Variants in SAMD3 observed in about 807,000 individuals in gnomAD.
SAMD3 encodes the protein sterile alpha motif domain-containing protein 3.
Under a neutral mutation model 58.5 loss-of-function variants are expected in SAMD3, and 63 were observed. That is an observed-to-expected ratio of 1.08 (90% CI 0.88 to 1.33). SAMD3 has a LOEUF of 1.33. Among genes scored for constraint, SAMD3 ranks in the 40% most tolerant of loss-of-function variants. SAMD3 has a pLI of 0.00. For missense variants in SAMD3, 604 were observed against 608.4 expected (o/e 0.99, Z 0.08); for synonymous variants, 220 against 210.3 (o/e 1.05, Z -0.40).
At chr6:130,195,211 G>A (rs1017891487) in intron 5 of SAMD3, among the ~76,000 whole-genome samples, 1 of 151,838 alleles carries the variant, frequency 6.6e-6, no homozygotes, top group African/African-American at 2.4e-5. Flanking sequence ...TCCTCCTCTT[G>A]TATCCCCCTA....
chr6:130,264,978 C>G (rs1774287228), intron 2 of SAMD3, among the ~76,000 whole-genome samples: 1 of 152,196 alleles, frequency 6.6e-6, no homozygotes, highest in South Asian at 2.1e-4. Context: ...TCTAAGGGCC[C>G]TGGCAGCAAT....
chr6:130,201,714 T>G (rs1390870284), intron 5 of SAMD3, among the ~76,000 whole-genome samples: 2 of 152,220 alleles, frequency 1.3e-5, no homozygotes, highest in East Asian at 3.8e-4. Context: ...GAATCCTCCA[T>G]GCTATTTCAG....
chr6:130,351,736 A>T (rs1054786687), intron 1 of SAMD3, among the ~76,000 whole-genome samples: 6 of 152,154 alleles, frequency 3.9e-5, no homozygotes, highest in South Asian at 2.1e-4. Flanking sequence ...GGATTATAAA[A>T]CATGCTGCTC....
Position 130,155,003 on chromosome 6 carries a change from G to A in SAMD3, c.845C>T (p.Ser282Phe). The A allele has an allele frequency of 6.2e-7, 1 of 1,612,826 alleles. No individual in the cohort carries two copies. The highest frequency in any genetic ancestry group is 2.2e-5 in the East Asian group (1 of 44,746). Residue 282 changes from serine (S) to phenylalanine (F), a missense_variant, in exon 9 of 12, where the codon TCT becomes TTT. Coordinates refer to ENST00000439090, the MANE Select transcript of SAMD3 (RefSeq NM_001017373.4). ...QIKEEAVCFD[S>F]ELDEHIKWFQ... ...CCACTTAATATGTTCATCTAGCTCA[G>A]AATCAAAACAAACAGCTTCTTCCTG...
chr6:130,309,357 TA>T (rs1776061679), intron 2 of SAMD3, among the ~76,000 whole-genome samples: 1 of 152,222 alleles, frequency 6.6e-6, no homozygotes. Context: ...ATGGGTATAA[TA>T]ATATCCCCCA....
At chr6:130,338,476 A>T (rs909009944) in intron 1 of SAMD3, among the ~76,000 whole-genome samples, 12 of 152,196 alleles carry the variant, frequency 7.9e-5, no homozygotes, top group African/African-American at 2.9e-4. Flanking sequence ...ACCATCCTCC[A>T]GACCCCAGAG....
At chr6:130,210,117 G>A (rs1271091178) in intron 4 of SAMD3, among the ~76,000 whole-genome samples, 1 of 152,182 alleles carries the variant, frequency 6.6e-6, no homozygotes, top group East Asian at 1.9e-4. Flanking sequence ...GAGCTACTCA[G>A]TAGCAGTGCC....
intron 8 of SAMD3, among the ~76,000 whole-genome samples, chr6:130,158,296 A>C (rs1421216306): frequency 1.3e-5 from 2 of 152,220 alleles, no homozygotes; most frequent in African/African-American, 4.8e-5. Flanking sequence ...GTGATGGGAA[A>C]GTATCAAGAC....
At chr6:130,364,086 C>T (rs370507505) in intron 1 of SAMD3, among the ~76,000 whole-genome samples, 2 of 152,098 alleles carry the variant, frequency 1.3e-5, no homozygotes, top group African/African-American at 4.8e-5. Context: ...GCCATTTTAC[C>T]CGCCTCTTCT....
intron 7 of SAMD3, among the ~76,000 whole-genome samples, chr6:130,180,467 C>A (rs1434330952): frequency 3.3e-5 from 5 of 151,852 alleles, no homozygotes; most frequent in Admixed American, 2.6e-4. Flanking sequence ...TTAGGGATGA[C>A]ATCTGCAACT....
chr6:130,151,363 A>G (rs1249991414), intron 9 of SAMD3, among the ~76,000 whole-genome samples: 1 of 152,058 alleles, frequency 6.6e-6, no homozygotes, highest in African/African-American at 2.4e-5. Context: ...TATCCATGTT[A>G]ACAGTGGGAA....
chr6:130,171,906 T>C (rs1425356695), intron 8 of SAMD3, among the ~76,000 whole-genome samples: 1 of 152,224 alleles, frequency 6.6e-6, no homozygotes, highest in East Asian at 1.9e-4. Flanking sequence ...ACTAGGTGCA[T>C]ATATATTTAG....
intron 2 of SAMD3, among the ~76,000 whole-genome samples, chr6:130,282,638 G>C (rs1460774497): frequency 6.6e-6 from 1 of 152,024 alleles, no homozygotes; most frequent in Admixed American, 6.6e-5. Flanking sequence ...CTCAGAGAAA[G>C]AGTGTTCTAA....
In SAMD3 at chr6:130,338,338, C is replaced by G. The variant is rs543781884; in HGVS notation, c.-303-25245G>C. Reference sequence around the variant, plus strand: ...AATGTCTGGATGTACAGGCAGAAGTCTGCTGCAAGGGGCAGAGCCTTCACA... The same window carrying G: ...AATGTCTGGATGTACAGGCAGAAGTGTGCTGCAAGGGGCAGAGCCTTCACA... On this transcript the variant is annotated intron_variant, in intron 1 of 13. Coordinates refer to the SAMD3 transcript ENST00000368134. Among the ~76,000 whole-genome samples, 17 of 152,364 alleles carry G rather than the reference C, an allele frequency of 1.1e-4. No individual in the cohort carries two copies. In the South Asian group the frequency reaches 2.5e-3, roughly 22 times the overall value.
chr6:130,354,490 G>A (rs1051124729), intron 1 of SAMD3, among the ~76,000 whole-genome samples: 1 of 152,204 alleles, frequency 6.6e-6, no homozygotes, highest in African/African-American at 2.4e-5. Flanking sequence ...ATACTATGCA[G>A]CCATAAAAAA....
At chr6:130,317,071 A>G (rs1381658996) in intron 1 of SAMD3, among the ~76,000 whole-genome samples, 1 of 152,168 alleles carries the variant, frequency 6.6e-6, no homozygotes, top group Admixed American at 6.5e-5. Context: ...GACCAGTGAG[A>G]AATCCTGAGT....
At chr6:130,306,870 TCATC>T (rs1176701330) in intron 2 of SAMD3, among the ~76,000 whole-genome samples, 1 of 152,200 alleles carries the variant, frequency 6.6e-6, no homozygotes, top group African/African-American at 2.4e-5. Context: ...ATAAACCATC[TCATC>T]CTGGTGTTTT....
intron 8 of SAMD3, chr6:130,160,701 T>C (rs532657153): frequency 2.6e-5 from 4 of 152,240 alleles, no homozygotes; most frequent in Admixed American, 6.5e-5. Context: ...AATGCAGAGA[T>C]AGAGATTTGA....
rs578259965 is a variant in SAMD3, at chr6:130,216,578, A to G, written c.-29T>C. On this transcript the variant is annotated 5_prime_UTR_variant, in exon 2 of 12. Transcript: ENST00000439090. ...AAGGGGAAACATGTTTACCTTGCAT[A>G]TGTGACAAGCTGGAAAGATAGTCTT... 4 of 152,284 alleles carry G rather than the reference A, an allele frequency of 2.6e-5. No homozygotes were observed. Among genetic ancestry groups the G allele is most frequent in the African/African-American group, 9.6e-5 (4 of 41,520 alleles). The allele number at this position is 152,284 out of a possible 1,614,324, so 9.4% of individuals were successfully genotyped here. A position where few individuals can be genotyped will look rare whatever the true frequency, so the allele number is the denominator to read the frequency against.
Sources: gnomAD v4.1 joint callset for allele counts (sites outside exome capture counted in the v4.1 genomes callset) on GRCh38, gnomAD v4.1.1 for gene constraint, MANE v1.5 for transcripts, NCBI Gene and HGNC (gene_info 2026-07-23, HGNC 2026-07-21) for gene names.